Variants in DENND1B observed in about 807,000 individuals in gnomAD.
The protein encoded by DENND1B is DENN domain-containing protein 1B.
DENND1B carries 59 observed loss-of-function variants against 90.1 expected under a neutral mutation model. The ratio of observed to expected loss-of-function variants is 0.65; its 90% confidence interval spans 0.53 to 0.81. DENND1B has a LOEUF of 0.81. Ranked by LOEUF, DENND1B falls within the 40% of genes least tolerant of loss-of-function variation. The probability of loss-of-function intolerance (pLI) is 0.00; values close to 1 mark genes in which losing one functional copy is unlikely to be tolerated. For synonymous variants in DENND1B, 337 were observed against 324.6 expected, an observed-to-expected ratio of 1.04 and a Z score of -0.41; for missense variants, 862 against 912.6, an observed-to-expected ratio of 0.94 and a Z score of 0.71.
intron 12 of DENND1B, among the ~76,000 whole-genome samples, chr1:197,607,861 T>C (rs1676830677): frequency 6.6e-6 from 1 of 150,766 alleles, no homozygotes; most frequent in African/African-American, 2.4e-5. Context: ...ATAAGAATTT[T>C]ATCATAGTTT....
intron 2 of DENND1B, among the ~76,000 whole-genome samples, chr1:197,770,520 C>A (rs1416226624): frequency 6.6e-6 from 1 of 151,260 alleles, no homozygotes; most frequent in Non-Finnish European, 1.5e-5. Flanking sequence ...GCAAATTGAT[C>A]TTTTAACAAG....
chr1:197,579,295 T>C (rs1673984260), intron 15 of DENND1B, among the ~76,000 whole-genome samples: 1 of 152,120 alleles, frequency 6.6e-6, no homozygotes, highest in African/African-American at 2.4e-5. Flanking sequence ...TAAAAGGTGT[T>C]TTGTTTGGCA....
chr1:197,539,439 C>T (rs1369086581), intron 20 of DENND1B, among the ~76,000 whole-genome samples: 1 of 152,002 alleles, frequency 6.6e-6, no homozygotes, highest in African/African-American at 2.4e-5. Context: ...ACCAGGAACA[C>T]TTATAGCTAT....
At chr1:197,774,441 G>A (rs1657012087) in intron 1 of DENND1B, 1 of 152,086 alleles carries the variant, frequency 6.6e-6, no homozygotes, top group South Asian at 2.1e-4. Flanking sequence ...ATGCCTCTAA[G>A]ATACCTAGAA....
At chr1:197,608,787 A>T (rs1558301656) in intron 12 of DENND1B, among the ~76,000 whole-genome samples, 2 of 150,592 alleles carry the variant, frequency 1.3e-5, no homozygotes, top group African/African-American at 2.4e-5. Flanking sequence ...CTACTATGAC[A>T]TGTACAATTT....
intron 7 of DENND1B, among the ~76,000 whole-genome samples, chr1:197,648,017 A>G (rs936535525): frequency 6.6e-6 from 1 of 152,130 alleles, no homozygotes; most frequent in African/African-American, 2.4e-5. Flanking sequence ...AAGACTATTA[A>G]TTCAAGTGTG....
intron 3 of DENND1B, among the ~76,000 whole-genome samples, chr1:197,704,085 A>G (rs1659293804): frequency 6.6e-6 from 1 of 152,036 alleles, no homozygotes; most frequent in African/African-American, 2.4e-5. Context: ...CTCTACAAAA[A>G]ATAAAAAACA....
chr1:197,517,081 G>T (rs1442439639), intron 20 of DENND1B, among the ~76,000 whole-genome samples: 1 of 151,752 alleles, frequency 6.6e-6, no homozygotes, highest in Admixed American at 6.6e-5. Context: ...CTCTATAAGT[G>T]GGATTCAAAT....
At chr1:197,541,061 C>G in intron 18 of DENND1B, 46 bp from the exon 19 acceptor site, 1 of 1,519,906 alleles carries the variant, frequency 6.6e-7, no homozygotes, top group Non-Finnish European at 9.1e-7. Context: ...GGTTCCATTA[C>G]CATTTAAAGA....
chr1:197,740,783 T>C (rs887826143), intron 2 of DENND1B, among the ~76,000 whole-genome samples: 1 of 152,166 alleles, frequency 6.6e-6, no homozygotes, highest in Non-Finnish European at 1.5e-5. Flanking sequence ...CCTTCATTAA[T>C]AAGTTCTTTA....
intron 3 of DENND1B, among the ~76,000 whole-genome samples, chr1:197,694,431 A>G (rs899897146): frequency 2.0e-5 from 3 of 151,430 alleles, no homozygotes; most frequent in Non-Finnish European, 4.4e-5. Flanking sequence ...CTTCTTTTCA[A>G]ACTAAAGATA....
intron 10 of DENND1B, among the ~76,000 whole-genome samples, chr1:197,639,697 G>A (rs1680107085): frequency 6.6e-6 from 1 of 151,958 alleles, no homozygotes; most frequent in South Asian, 2.1e-4. Context: ...ATAAAAATAT[G>A]AGTATAAAAA....
intron 1 of DENND1B, among the ~76,000 whole-genome samples, chr1:197,774,859 T>TC (rs1214627600): frequency 6.6e-6 from 1 of 151,856 alleles, no homozygotes; most frequent in Admixed American, 6.6e-5. Context: ...GCCTCCCCTG[T>TC]CCCCCGAAAG....
At chr1:197,763,426 C>T (rs1655343403) in intron 2 of DENND1B, among the ~76,000 whole-genome samples, 1 of 152,114 alleles carries the variant, frequency 6.6e-6, no homozygotes, top group Admixed American at 6.6e-5. Flanking sequence ...CTTTAAAAGC[C>T]ATCTCAGTAC....
At chr1:197,664,355 C>T (rs1171130103) in intron 5 of DENND1B, among the ~76,000 whole-genome samples, 1 of 152,078 alleles carries the variant, frequency 6.6e-6, no homozygotes, top group Non-Finnish European at 1.5e-5. Context: ...ATAACTGTGA[C>T]TCTCGCACTC....
chr1:197,772,792 A>G, intron 2 of DENND1B, 76 bp downstream of exon 2: 3 of 1,316,456 alleles, frequency 2.3e-6, no homozygotes, highest in Non-Finnish European at 3.2e-6. Flanking sequence ...GCCACTGCAC[A>G]GCCTGAGGAA....
At chr1:197,647,011 C>T (rs1403145303) in intron 8 of DENND1B, 44 bp downstream of exon 8, 1 of 1,384,086 alleles carries the variant, frequency 7.2e-7, no homozygotes, top group South Asian at 1.6e-5. Flanking sequence ...ATTATTTTTC[C>T]TATTTAATAG....
Position 197,658,285 on chromosome 1 carries a change from G to A in DENND1B, c.366+15C>T, listed in dbSNP as rs766351271. ...TATTTTACCACAATTTAAAAATGGG[G>A]AAAAAATAGCTTACCAGTTCCTTAG... On this transcript the variant is annotated intron_variant, in intron 6 of 22. Coordinates refer to ENST00000620048, the MANE Select transcript of DENND1B (RefSeq NM_001195215.2). 6.9e-6 allele frequency: 11 copies of A among 1,594,720 alleles called. No individual in the cohort carries two copies.
At chr1:197,663,892 A>T (rs1654666016) in intron 5 of DENND1B, among the ~76,000 whole-genome samples, 1 of 152,078 alleles carries the variant, frequency 6.6e-6, no homozygotes, top group East Asian at 1.9e-4. Flanking sequence ...AAAATGATCC[A>T]GGGTATACAA....
Sources: allele counts gnomAD v4.1 joint callset (sites outside exome capture counted in the v4.1 genomes callset), GRCh38; gene constraint gnomAD v4.1.1; transcripts MANE v1.5; gene names NCBI Gene and HGNC (gene_info 2026-07-23, HGNC 2026-07-21).